DNER: variants seen among roughly 807,000 people sequenced by gnomAD.
The protein encoded by DNER is delta and Notch-like epidermal growth factor-related receptor.
In DNER, 33 loss-of-function variants were observed where a neutral mutation model predicts 78.2. The ratio of observed to expected loss-of-function variants is 0.42; its 90% CI spans 0.32 to 0.56. The LOEUF (loss-of-function observed/expected upper bound fraction) is 0.56, where lower values mean the gene tolerates loss of function less well. DNER is among the 20% of genes least tolerant of loss of function. The pLI is 0.11. For synonymous variants in DNER, 417 were observed against 384.8 expected (o/e 1.08, Z -0.98); for missense variants, 918 against 975.3 (o/e 0.94, Z 0.78).
intron 6 of DNER, among the ~76,000 whole-genome samples, chr2:229,495,614 A>AG (rs1695485196): frequency 1.3e-5 from 2 of 152,222 alleles, no homozygotes; most frequent in Non-Finnish European, 2.9e-5. Flanking sequence ...TCCTCAACCT[A>AG]GGCCCACCCA....
intron 1 of DNER, among the ~76,000 whole-genome samples, chr2:229,664,037 T>C (rs1699051308): frequency 6.6e-6 from 1 of 152,230 alleles, no homozygotes; most frequent in African/African-American, 2.4e-5. Context: ...TGGTCCAATA[T>C]GATAATTTCT....
chr2:229,631,520 A>G (rs778466798), intron 1 of DNER, among the ~76,000 whole-genome samples: 19 of 152,352 alleles, frequency 1.2e-4, no homozygotes, highest in East Asian at 7.7e-4. Context: ...GAATTAGATC[A>G]GAAGAAAGAA....
At chr2:229,543,554 G>A (rs1425937089) in intron 5 of DNER, among the ~76,000 whole-genome samples, 1 of 152,098 alleles carries the variant, frequency 6.6e-6, no homozygotes. Context: ...CATTTCTCTC[G>A]TGCCAATATT....
intron 6 of DNER, among the ~76,000 whole-genome samples, chr2:229,507,454 C>T (rs1185817280): frequency 6.6e-6 from 1 of 152,188 alleles, no homozygotes; most frequent in Admixed American, 6.5e-5. Flanking sequence ...TAGATGGTAA[C>T]AGTAAAATTC....
chr2:229,557,896 T>C (rs1270376805), intron 4 of DNER, among the ~76,000 whole-genome samples: 2 of 152,132 alleles, frequency 1.3e-5, no homozygotes, highest in Non-Finnish European at 2.9e-5. Flanking sequence ...CAAAGAAATA[T>C]AGATTATTCT....
chr2:229,607,104 T>C (rs1336714700), intron 1 of DNER, among the ~76,000 whole-genome samples: 1 of 152,164 alleles, frequency 6.6e-6, no homozygotes, highest in African/African-American at 2.4e-5. Context: ...GGATAAACGG[T>C]CAACAAAACC....
At chr2:229,414,575 A>C (rs1223830056) in intron 9 of DNER, among the ~76,000 whole-genome samples, 1 of 152,206 alleles carries the variant, frequency 6.6e-6, no homozygotes, top group African/African-American at 2.4e-5. Context: ...AATGTTTAAC[A>C]CACTTGTATG....
At chr2:229,585,095 T>C (rs1418274744) in intron 4 of DNER, among the ~76,000 whole-genome samples, 1 of 152,110 alleles carries the variant, frequency 6.6e-6, no homozygotes, top group Admixed American at 6.5e-5. Context: ...TTGGGGACCC[T>C]GCAGTGGCAA....
At chr2:229,682,589 T>C (rs1699404053) in intron 1 of DNER, among the ~76,000 whole-genome samples, 1 of 152,236 alleles carries the variant, frequency 6.6e-6, no homozygotes. Flanking sequence ...GGCTCATGTC[T>C]GTAATCCCAG....
At chr2:229,676,071 G>A (rs1448767298) in intron 1 of DNER, among the ~76,000 whole-genome samples, 1 of 152,200 alleles carries the variant, frequency 6.6e-6, no homozygotes, top group Non-Finnish European at 1.5e-5. Context: ...ACTGTTCCAA[G>A]CACAGGCAGT....
At chr2:229,538,353 T>A (rs768515425) in intron 5 of DNER, among the ~76,000 whole-genome samples, 17 of 152,156 alleles carry the variant, frequency 1.1e-4, no homozygotes, top group Non-Finnish European at 1.8e-4. Flanking sequence ...GTTTCCCTCA[T>A]CTCTTAGAAA....
intron 5 of DNER, 129 bp downstream of exon 5, chr2:229,546,818 C>CAGATAGATAGATAGAT (rs1394897452): frequency 7.7e-5 from 103 of 1,330,790 alleles, no homozygotes; most frequent in Middle Eastern, 6.0e-4. Flanking sequence ...GACAGACAGA[C>CAGATAGATAGATAGAT]AGACAGACAG....
chr2:229,459,308 CTCTTA>C (rs1203977980), intron 7 of DNER, among the ~76,000 whole-genome samples: 1 of 152,030 alleles, frequency 6.6e-6, no homozygotes, highest in African/African-American at 2.4e-5. Flanking sequence ...TTTTATACAT[CTCTTA>C]TATGTCTGTT....
At chr2:229,517,942 G>GT (rs1696013599) in intron 5 of DNER, among the ~76,000 whole-genome samples, 1 of 152,186 alleles carries the variant, frequency 6.6e-6, no homozygotes, top group Non-Finnish European at 1.5e-5. Context: ...GGAAAAGATA[G>GT]TTCTTGCGCC....
chr2:229,392,136 T>C (rs1468061628), intron 10 of DNER, among the ~76,000 whole-genome samples: 3 of 152,138 alleles, frequency 2.0e-5, no homozygotes, highest in Non-Finnish European at 4.4e-5. Flanking sequence ...CTATAAATCT[T>C]TCATATACTT....
At chr2:229,550,023 C>T (rs1559163970) in intron 4 of DNER, among the ~76,000 whole-genome samples, 1 of 151,926 alleles carries the variant, frequency 6.6e-6, no homozygotes. Flanking sequence ...GACAAAGTCT[C>T]ACTCTGTGGC....
At chr2:229,610,720 A>G (rs1698030989) in intron 1 of DNER, among the ~76,000 whole-genome samples, 2 of 152,174 alleles carry the variant, frequency 1.3e-5, no homozygotes, top group African/African-American at 4.8e-5. Context: ...AGTCACCAGG[A>G]CTGGGTTCCA....
chr2:229,676,470 G>T (rs527498859), intron 1 of DNER, among the ~76,000 whole-genome samples: 1 of 152,262 alleles, frequency 6.6e-6, no homozygotes, highest in South Asian at 2.1e-4. Flanking sequence ...AGAAATAATC[G>T]CCTGGTTATA....
chr2:229,413,664 C>A (rs536597893), intron 9 of DNER, among the ~76,000 whole-genome samples: 3 of 151,262 alleles, frequency 2.0e-5, no homozygotes, highest in Admixed American at 2.0e-4. Context: ...ATTTGGCTGA[C>A]TCCCTATTGC....
Sources: gnomAD v4.1 joint callset for allele counts (sites outside exome capture counted in the v4.1 genomes callset) on GRCh38, gnomAD v4.1.1 for gene constraint, MANE v1.5 for transcripts, NCBI Gene and HGNC (gene_info 2026-07-23, HGNC 2026-07-21) for gene names.